Variants in GPATCH1 observed in about 807,000 individuals in gnomAD.
The protein encoded by GPATCH1 is G-patch domain containing 1.
Under a neutral mutation model 114.9 loss-of-function variants are expected in GPATCH1, and 73 were observed. The observed-to-expected ratio is 0.64, with a 90% CI of 0.53 to 0.77. GPATCH1 has a LOEUF of 0.77. GPATCH1 is among the 30% of genes least tolerant of loss of function. GPATCH1 has a pLI of 0.00. For synonymous variants in GPATCH1, 391 were observed against 428.4 expected (o/e 0.91, Z 1.08); for missense variants, 1,058 against 1,144.3 (o/e 0.92, Z 1.09).
intron 4 of GPATCH1, among the ~76,000 whole-genome samples, chr19:33,093,866 A>G (rs1568339699): frequency 6.6e-6 from 1 of 152,076 alleles, no homozygotes; most frequent in Non-Finnish European, 1.5e-5. Context: ...GTGGCCTGAT[A>G]TGGCAGCCTT....
rs1476383378 is a variant in GPATCH1, at chr19:33,106,724, C to CT, written c.1111dup (p.Tyr371LeufsTer34). ...ATCCACCTCCAGAGCTGCCAAGAGACTATCGACCAGTGCATTATTTCAGAC... is the reference window on the plus strand; with the variant it reads ...ATCCACCTCCAGAGCTGCCAAGAGACTTATCGACCAGTGCATTATTTCAGAC... On this transcript the variant is annotated frameshift_variant, in exon 10 of 20. Coordinates refer to ENST00000170564, the MANE Select transcript of GPATCH1 (RefSeq NM_018025.3). LOFTEE classifies it high-confidence loss of function. The CT allele has an allele frequency of 1.4e-5, 22 of 1,613,926 alleles. No individual in the cohort carries two copies. The highest frequency in any genetic ancestry group is 1.9e-5 in the Non-Finnish European group (22 of 1,179,938).
At chr19:33,104,965 G>A (rs1211285405) in intron 9 of GPATCH1, among the ~76,000 whole-genome samples, 1 of 152,122 alleles carries the variant, frequency 6.6e-6, no homozygotes, top group Non-Finnish European at 1.5e-5. Flanking sequence ...CTTGTCTGCT[G>A]TGCCATCATT....
At chr19:33,110,376 A>T (rs890032095) in intron 11 of GPATCH1, among the ~76,000 whole-genome samples, 2 of 152,176 alleles carry the variant, frequency 1.3e-5, no homozygotes, top group African/African-American at 4.8e-5. Context: ...CTAACCATCC[A>T]TTCCTGACTC....
chr19:33,124,854 C>T (rs1057212388), intron 17 of GPATCH1, among the ~76,000 whole-genome samples: 7 of 152,086 alleles, frequency 4.6e-5, no homozygotes, highest in Admixed American at 2.0e-4. Flanking sequence ...GCTGGGGTCA[C>T]GGCAGGATAC....
intron 4 of GPATCH1, 30 bp downstream of exon 4, chr19:33,093,549 T>TTAGGG: frequency 1.3e-6 from 2 of 1,588,852 alleles, no homozygotes; most frequent in Non-Finnish European, 8.6e-7. Flanking sequence ...TGTCATGATC[T>TTAGGG]TAGCACCGGT....
Position 33,095,797 on chromosome 19 carries a change from C to G in GPATCH1, c.589C>G (p.Pro197Ala), listed in dbSNP as rs563529291. The G allele has an allele frequency of 3.5e-5, 56 of 1,611,338 alleles. No individual in the cohort carries two copies. The highest frequency in any genetic ancestry group is 3.3e-4 in the Middle Eastern group (2 of 6,054). ...CAAAATCTATGGCTGTGCATTACCC[C>G]CTGGAAGCTCGGAAGGATCTGAGGT... ...GVKIYGCALP[P>A]GSSEGSEGED... The change falls in exon 6 of 20, where the codon CCT becomes GCT. Residue 197 changes from proline to alanine, a missense_variant. Coordinates refer to ENST00000170564, the MANE Select transcript of GPATCH1 (RefSeq NM_018025.3).
chr19:33,116,679 G>A (rs377397970), intron 15 of GPATCH1, among the ~76,000 whole-genome samples: 2 of 152,064 alleles, frequency 1.3e-5, no homozygotes, highest in East Asian at 3.9e-4. Flanking sequence ...ACAGGCGCCC[G>A]CCACCACGCC....
intron 5 of GPATCH1, 97 bp downstream of exon 5, chr19:33,094,366 A>G: frequency 2.9e-6 from 2 of 700,880 alleles, no homozygotes; most frequent in African/African-American, 1.8e-5. Flanking sequence ...GCTGGAGTGC[A>G]GTGGTGCGAT....
At position 33,102,739 on chromosome 19, in the gene GPATCH1, G is replaced by A. The variant is rs542681408; in HGVS notation, c.1080+1165G>A. On this transcript the variant is annotated intron_variant, in intron 9 of 19. Transcript: ENST00000170564. ...ACTTCAAGTGAGTGGTTATTTACATGAAAAGAGACATACATTAGAAAGAGA... is the reference window on the plus strand; with the variant it reads ...ACTTCAAGTGAGTGGTTATTTACATAAAAAGAGACATACATTAGAAAGAGA... Among the ~76,000 whole-genome samples, 21 of 152,240 alleles carry A rather than the reference G, an allele frequency of 1.4e-4. 2 individuals carry two copies. The highest frequency in any genetic ancestry group is 5.1e-4 in the African/African-American group (21 of 41,550).
chr19:33,099,442 C>T (rs993173987), intron 8 of GPATCH1, among the ~76,000 whole-genome samples: 111 of 151,918 alleles, frequency 7.3e-4, no homozygotes, highest in African/African-American at 2.4e-3. Context: ...CACTGAGCTC[C>T]GAGCCTGTCC....
At chr19:33,127,534 A>G (rs1973056862) in intron 19 of GPATCH1, among the ~76,000 whole-genome samples, 1 of 151,760 alleles carries the variant, frequency 6.6e-6, no homozygotes, top group Admixed American at 6.6e-5. Flanking sequence ...AAAAAAAAAA[A>G]AAGAAAAGAA....
Position 33,130,083 on chromosome 19 carries a change from C to T in GPATCH1, c.2766-47C>T, listed in dbSNP as rs532769546. ...GCCTCCACGGAGCTGTTTGGTTTTT[C>T]ACTTTAGCTAACTTTCCATTTCTCT... On this transcript the variant is annotated intron_variant, in intron 19 of 19. Coordinates refer to ENST00000170564, the MANE Select transcript of GPATCH1 (RefSeq NM_018025.3). The T allele has an allele frequency of 4.7e-6, 7 of 1,486,952 alleles. No homozygotes were observed. In the African/African-American group the frequency reaches 1.7e-4, roughly 37 times the overall value. 92.1% of individuals were successfully genotyped at this position (1,486,952 alleles called of 1,614,324 possible). A position where few individuals can be genotyped will look rare whatever the true frequency, so the allele number is the denominator to read the frequency against.
intron 17 of GPATCH1, among the ~76,000 whole-genome samples, 153 bp downstream of exon 17, chr19:33,119,270 C>A (rs998135879): frequency 6.6e-6 from 1 of 152,110 alleles, no homozygotes; most frequent in African/African-American, 2.4e-5. Flanking sequence ...CCACCTAGTG[C>A]CTGAAATGAT....
chr19:33,093,404 G>A lies in GPATCH1; in HGVS notation c.340G>A (p.Asp114Asn), dbSNP rs1466514182. 6.2e-7 allele frequency: 1 copy of A among 1,613,448 alleles called. No individual in the cohort carries two copies. Among genetic ancestry groups the A allele is most frequent in the South Asian group, 1.1e-5 (1 of 91,066 alleles). ...AGCACCTAAAGCGATTGTCACCACA[G>A]ACGATTTTGCCTCCAAAACCAAAGA... is the stretch of plus-strand genomic sequence containing the variant. ...GIAPKAIVTT[D>N]DFASKTKDRI... The change falls in exon 4 of 20, where the codon GAC (aspartate) becomes AAC (asparagine). Residue 114 changes from aspartate to asparagine, a missense_variant. Around this residue, in one of 3 missense-constraint regions of GPATCH1, gnomAD observed 34 missense variants for 59.6 expected, o/e 0.57. Transcript: ENST00000170564.
intron 8 of GPATCH1, among the ~76,000 whole-genome samples, chr19:33,098,673 T>TG (rs929875514): frequency 4.0e-5 from 6 of 151,788 alleles, no homozygotes; most frequent in Non-Finnish European, 7.4e-5. Flanking sequence ...ACTCCAGAGG[T>TG]GGTTGTGAGG....
rs1295997575 is a variant in GPATCH1 at position 33,130,313 on chromosome 19, A to C, written c.*153A>C. ...CCTTGACATTTCAAAGACTGCCTTGAAAGGTCGCAGAAATTGATTTCTATT... is the reference window on the plus strand; with the variant it reads ...CCTTGACATTTCAAAGACTGCCTTGCAAGGTCGCAGAAATTGATTTCTATT... On this transcript the variant is annotated 3_prime_UTR_variant, in exon 20 of 20. Coordinates refer to ENST00000170564, the MANE Select transcript of GPATCH1 (RefSeq NM_018025.3). 1 of 484,590 alleles carries C rather than the reference A, an allele frequency of 2.1e-6. No homozygotes were observed. The allele number at this position is 484,590 out of a possible 1,614,324, so 30.0% of individuals were successfully genotyped here.
At chr19:33,094,893 A>G (rs1972638227) in intron 5 of GPATCH1, among the ~76,000 whole-genome samples, 1 of 152,136 alleles carries the variant, frequency 6.6e-6, no homozygotes, top group Non-Finnish European at 1.5e-5. Context: ...GGCTGGGTGC[A>G]GTGACTCATA....
At chr19:33,110,061 T>G (rs759428568) in intron 11 of GPATCH1, 45 bp downstream of exon 11, 2 of 1,489,576 alleles carry the variant, frequency 1.3e-6, no homozygotes, top group South Asian at 2.5e-5. Flanking sequence ...CCGGGCGGGG[T>G]CATATTCTCA....
chr19:33,087,678 T>G (rs1972547177), intron 1 of GPATCH1, among the ~76,000 whole-genome samples: 1 of 151,534 alleles, frequency 6.6e-6, no homozygotes, highest in Admixed American at 6.6e-5. Context: ...TCTCCTGACA[T>G]TATAATTTTT....
Sources: gnomAD v4.1 joint callset for allele counts (sites outside exome capture counted in the v4.1 genomes callset) on GRCh38, gnomAD v4.1.1 for gene constraint, gnomAD v4.1.1 regional missense constraint, MANE v1.5 for transcripts, NCBI Gene and HGNC (gene_info 2026-07-23, HGNC 2026-07-21) for gene names.